SLC35A2: variants seen among roughly 807,000 people sequenced by gnomAD.
SLC35A2 encodes the protein solute carrier family 35 member A2.
A neutral mutation model predicts 17.3 loss-of-function variants in SLC35A2; 1 was observed. The ratio of observed to expected loss-of-function variants is 0.06; its 90% confidence interval spans 0.02 to 0.27. The LOEUF (loss-of-function observed/expected upper bound fraction) is 0.27, where lower values mean the gene tolerates loss of function less well. Ranked by LOEUF, SLC35A2 falls within the 10% of genes least tolerant of loss-of-function variation. SLC35A2 has a pLI of 1.00. For synonymous variants in SLC35A2, 161 were observed against 161.3 expected, an observed-to-expected ratio of 1.00 and a Z score of 0.01; for missense variants, 191 against 339.3, an observed-to-expected ratio of 0.56 and a Z score of 3.43.
intron 4 of SLC35A2, chrX:48,904,510 C>T: frequency 8.9e-7 from 1 of 1,129,486 alleles, no homozygotes; most frequent in Non-Finnish European, 1.2e-6. Context: ...GCTCTAAAAC[C>T]CCCTCCAGGG....
intron 4 of SLC35A2, chrX:48,903,873 T>C (rs1369198043): frequency 1.3e-6 from 1 of 789,780 alleles, no homozygotes; most frequent in Admixed American, 7.1e-5. Context: ...CCCCATGAGG[T>C]AGGGGTGCCT....
rs1304513682 is a variant in SLC35A2 at position 48,911,533 on chromosome X, C to A, written c.91+13G>T. ...TCCGCCTCCCATGCGACTGCTCGGG[C>A]AGACTGTCTCACCCGCACTGGCGGT... is the stretch of plus-strand genomic sequence containing the variant. On this transcript the variant is annotated intron_variant, in intron 1 of 4. Transcript: ENST00000247138. 2 of 1,159,005 alleles carry A rather than the reference C, an allele frequency of 1.7e-6. No individual in the cohort carries two copies. The highest frequency in any genetic ancestry group is 3.2e-5 in the East Asian group (1 of 30,786).
Position 48,910,268 on chromosome X carries a change from A to G in SLC35A2, c.92-272T>C, listed in dbSNP as rs782673666. ...TTACTGAGGTGTCAGGTAATGGCTG[A>G]GGCAAACCCTGGCCACGCGCCTCGG... On this transcript the variant is annotated intron_variant, in intron 1 of 4. Transcript: ENST00000247138. The G allele has an allele frequency of 2.6e-6, 3 of 1,149,724 alleles. No individual in the cohort carries two copies. The South Asian group carries it at 5.8e-5, about 22-fold the overall frequency. 94.8% of individuals were successfully genotyped at this position (1,149,724 alleles called of 1,213,427 possible). A position where few individuals can be genotyped will look rare whatever the true frequency, so the allele number is the denominator to read the frequency against.
Position 48,906,551 on chromosome X carries a change from G to C in SLC35A2, c.275-8C>G. The stretch of plus-strand genomic sequence containing the variant: ...CCAGGTGCTTCACGTTACCTAGGTG[G>C]GAGGAGGAGAGCCCTTCTTAGCACT... On this transcript the variant is annotated splice_region_variant and splice_polypyrimidine_tract_variant and intron_variant, in intron 2 of 4. Coordinates refer to ENST00000247138, the MANE Select transcript of SLC35A2 (RefSeq NM_005660.3). 8.3e-7 allele frequency: 1 copy of C among 1,209,768 alleles called. No homozygotes were observed. Among genetic ancestry groups the C allele is most frequent in the Non-Finnish European group, 1.1e-6 (1 of 893,722 alleles).
intron 2 of SLC35A2, among the ~76,000 whole-genome samples, chrX:48,908,163 T>G (rs184771592): frequency 0.033 from 3,569 of 106,589 alleles, 159 homozygotes; most frequent in African/African-American, 0.11. Flanking sequence ...TCGCCCAGGC[T>G]GGAGTGCAGT....
At position 48,905,159 on chromosome X, in the gene SLC35A2, G is replaced by C. The variant is rs375311728; in HGVS notation, c.750C>G (p.Leu250=). ...LFGTALGLVG[L]WWAEGTAVAT... is the part of the protein sequence containing the mutation. ...CCACGGCGGTACCCTCAGCCCACCA[G>C]AGCCCCACCAGGCCCAGTGCTGTGC... Residue 250 remains leucine, a synonymous_variant, in exon 4 of 5, where the codon CTC becomes CTG. Transcript: ENST00000247138. 4.9e-5 allele frequency: 59 copies of C among 1,208,949 alleles called. No individual in the cohort carries two copies. Among genetic ancestry groups the C allele is most frequent in the Admixed American group, 3.1e-4 (14 of 45,826 alleles).
chrX:48,905,989 G>A (rs904240933), intron 3 of SLC35A2: 1 of 340,962 alleles, frequency 2.9e-6, no homozygotes, highest in South Asian at 5.5e-5. Context: ...CAATTTAAAG[G>A]TGAGAAAACT....
chrX:48,910,836 A>G (rs998730102), intron 1 of SLC35A2, among the ~76,000 whole-genome samples: 1 of 110,359 alleles, frequency 9.1e-6, no homozygotes, highest in Admixed American at 9.6e-5. Context: ...TCCCTCAACC[A>G]GATGAGGAAA....
In SLC35A2 at chrX:48,909,976, T is replaced by G. The variant is rs782268788; in HGVS notation, c.112A>C (p.Ile38Leu). 44 of 1,208,247 alleles carry G rather than the reference T, an allele frequency of 3.6e-5. 1 individual carries two copies. In the South Asian group the frequency reaches 7.6e-4, roughly 21 times the overall value. Reference protein sequence around the residue: ...ASAAHRRLKYISLAVLVVQNA... With the variant: ...ASAAHRRLKYLSLAVLVVQNA... ...TGGACCACCAGCACAGCTAGGGATATGTACTTCAGGCGCCTGTGAGCTGTG... is the reference window on the plus strand; with the variant it reads ...TGGACCACCAGCACAGCTAGGGATAGGTACTTCAGGCGCCTGTGAGCTGTG... The change falls in exon 2 of 5, where the codon ATA becomes CTA. Residue 38 changes from isoleucine (I) to leucine (L), a missense_variant. Around this residue, in one of 2 missense-constraint regions of SLC35A2, gnomAD observed 164 missense variants for 315.3 expected, o/e 0.52. Transcript: ENST00000247138.
In SLC35A2 at chrX:48,911,614, C is replaced by T. The variant is rs1602347762; in HGVS notation, c.23G>A (p.Gly8Asp). 8.6e-7 allele frequency: 1 copy of T among 1,163,998 alleles called. No homozygotes were observed. The highest frequency in any genetic ancestry group is 1.1e-6 in the Non-Finnish European group (1 of 874,503). MAAVGAG[G>D]STAAPGPGAV... The stretch of plus-strand genomic sequence containing the variant: ...CCCTGGCCCGGGCGCCGCGGTGGAA[C>T]CACCAGCCCCAACCGCTGCCATGTT... The change falls in exon 1 of 5, where the codon GGT becomes GAT. Residue 8 changes from glycine (G) to aspartate (D), a missense_variant. By Grantham distance (94) the Gly-to-Asp change is moderately conservative (BLOSUM62 -1). Around this residue, in one of 2 missense-constraint regions of SLC35A2, gnomAD observed 27 missense variants for 24.0 expected, o/e 1.12. Coordinates refer to ENST00000247138, the MANE Select transcript of SLC35A2 (RefSeq NM_005660.3).
intron 4 of SLC35A2, chrX:48,904,517 A>G (rs1371746306): frequency 7.2e-5 from 82 of 1,134,410 alleles, no homozygotes; most frequent in Non-Finnish European, 9.1e-5. Flanking sequence ...AACCCCCTCC[A>G]GGGGAAGGGG....
upstream of SLC35A2, chrX:48,911,655 C>G (rs142045906): frequency 2.6e-6 from 3 of 1,155,782 alleles, no homozygotes; most frequent in Admixed American, 2.6e-5. Flanking sequence ...CTGCCCGGCC[C>G]GTCCCCTCGG....
chrX:48,903,623 C>T, intron 4 of SLC35A2, 158 bp from the exon 5 acceptor site: 1 of 637,872 alleles, frequency 1.6e-6, no homozygotes, highest in South Asian at 3.1e-5. Context: ...TAAATAAATA[C>T]AACATCTTTA....
Position 48,904,769 on chromosome X carries a change from G to T in SLC35A2, c.1140C>A (p.Leu380=). ...PPQLSSHRGD[L]ITEPFLPKLL... ...ACTTTGGCAGAAAGGGCTCCGTGAT[G>T]AGGTCTCCACGGTGGGAAGACAGCT... is the stretch of plus-strand genomic sequence containing the variant. Residue 380 remains leucine (L), a synonymous_variant, in exon 4 of 5, where the codon CTC becomes CTA. Coordinates refer to ENST00000247138, the MANE Select transcript of SLC35A2 (RefSeq NM_005660.3). 1.7e-6 allele frequency: 2 copies of T among 1,211,606 alleles called. No individual in the cohort carries two copies. The highest frequency in any genetic ancestry group is 3.5e-5 in the South Asian group (2 of 56,950).
rs1424723471 is a variant in SLC35A2, at chrX:48,905,263, C to T, written c.646G>A (p.Ala216Thr). Residue 216 changes from alanine to threonine, a missense_variant, in exon 4 of 5, where the codon GCA becomes ACA. Physicochemically the swap from Ala to Thr is moderately conservative, Grantham distance 58 (BLOSUM62 0). Coordinates refer to ENST00000247138, the MANE Select transcript of SLC35A2 (RefSeq NM_005660.3). The part of the protein sequence containing the change: ...VVASCLSSGF[A>T]GVYFEKILKG... ...AGGATCTTCTCAAAGTAGACACCTG[C>T]GAAGCCGGAGGAGAGACAGGAGGCC... The T allele has an allele frequency of 8.3e-7, 1 of 1,200,031 alleles. No individual in the cohort carries two copies. Among genetic ancestry groups the T allele is most frequent in the Non-Finnish European group, 1.1e-6 (1 of 889,613 alleles).
chrX:48,905,158 A>G lies in SLC35A2; in HGVS notation c.751T>C (p.Trp251Arg). Residue 251 changes from tryptophan to arginine, a missense_variant, in exon 4 of 5, where the codon TGG becomes CGG. Coordinates refer to ENST00000247138, the MANE Select transcript of SLC35A2 (RefSeq NM_005660.3). Reference sequence around the variant, plus strand: ...GCCACGGCGGTACCCTCAGCCCACCAGAGCCCCACCAGGCCCAGTGCTGTG... The same window carrying G: ...GCCACGGCGGTACCCTCAGCCCACCGGAGCCCCACCAGGCCCAGTGCTGTG... Reference protein sequence around the residue: ...FGTALGLVGLWWAEGTAVATR... With the variant: ...FGTALGLVGLRWAEGTAVATR... The G allele has an allele frequency of 8.3e-7, 1 of 1,210,436 alleles. No individual in the cohort carries two copies. Among genetic ancestry groups the G allele is most frequent in the Non-Finnish European group, 1.1e-6 (1 of 894,745 alleles).
intron 2 of SLC35A2, among the ~76,000 whole-genome samples, chrX:48,908,084 G>A (rs192352147): frequency 1.3e-5 from 1 of 79,237 alleles, no homozygotes; most frequent in African/African-American, 4.9e-5. Flanking sequence ...TGCAAAGCTC[G>A]CCCCACTTTT....
intron 1 of SLC35A2, 104 bp downstream of exon 1, chrX:48,911,442 C>A: frequency 1.0e-6 from 1 of 977,120 alleles, no homozygotes. Context: ...ACACACACGT[C>A]GGTCCACACG....
At chrX:48,907,892 G>A (rs1557043330) in intron 2 of SLC35A2, among the ~76,000 whole-genome samples, 2 of 109,170 alleles carry the variant, frequency 1.8e-5, no homozygotes, top group East Asian at 3.0e-4. Context: ...TGTGGTGGCA[G>A]GCGCCTATAA....
Sources: allele counts gnomAD v4.1 joint callset (sites outside exome capture counted in the v4.1 genomes callset), GRCh38; gene constraint gnomAD v4.1.1; regional missense constraint gnomAD v4.1.1; transcripts MANE v1.5; gene names NCBI Gene and HGNC (gene_info 2026-07-23, HGNC 2026-07-21).